Variants in GSTA5 observed in about 807,000 individuals in gnomAD.
GSTA5 encodes glutathione S-transferase alpha 5.
GSTA5 carries 25 observed loss-of-function variants against 21.8 expected under a neutral mutation model. The observed-to-expected ratio is 1.14, with a 90% confidence interval of 0.83 to 1.60. GSTA5 has a LOEUF of 1.60. Ranked by LOEUF, GSTA5 falls within the 40% of genes most tolerant of loss-of-function variation. The probability of loss-of-function intolerance (pLI) is 0.00; values close to 1 mark genes in which losing one functional copy is unlikely to be tolerated. For missense variants in GSTA5, 330 were observed against 259.2 expected, an observed-to-expected ratio of 1.27 and a Z score of -1.88; for synonymous variants, 102 against 89.5, an observed-to-expected ratio of 1.14 and a Z score of -0.78.
At chr6:52,837,871 T>C (rs1462258381) in intron 1 of GSTA5, among the ~76,000 whole-genome samples, 6 of 152,238 alleles carry the variant, frequency 3.9e-5, no homozygotes. Context: ...AGGTCATATT[T>C]TGAGAGGGGA....
Position 52,837,676 on chromosome 6 carries a change from G to A in GSTA5, c.88-67C>T, listed in dbSNP as rs527929618. On this transcript the variant is annotated intron_variant, in intron 1 of 5. Transcript: ENST00000370989. Reference sequence around the variant, plus strand: ...TATTATAGACTTGTGATGTTGAATGGCCCCTATCTGGTGCATGATTTGGAG... The same window carrying A: ...TATTATAGACTTGTGATGTTGAATGACCCCTATCTGGTGCATGATTTGGAG... The A allele has an allele frequency of 5.1e-5, 56 of 1,089,576 alleles. No homozygotes were observed. In the East Asian group the frequency reaches 1.3e-3, roughly 25 times the overall value. The allele number at this position is 1,089,576 out of a possible 1,614,324, so 67.5% of individuals were successfully genotyped here.
chr6:52,840,739 T>C (rs772248841), exon 1 of GSTA5: 2 of 1,614,036 alleles, frequency 1.2e-6, no homozygotes, highest in South Asian at 2.2e-5. Flanking sequence ...CTACTCCAGC[T>C]GCAGCCAGGA....
At chr6:52,838,080 C>T (rs1036979798) in intron 1 of GSTA5, among the ~76,000 whole-genome samples, 4 of 152,198 alleles carry the variant, frequency 2.6e-5, no homozygotes, top group Non-Finnish European at 5.9e-5. Flanking sequence ...TTTCAGGAAC[C>T]CTGCTAAGGG....
upstream of GSTA5, among the ~76,000 whole-genome samples, chr6:52,841,564 T>C (rs767545463): frequency 6.6e-6 from 1 of 152,236 alleles, no homozygotes; most frequent in Non-Finnish European, 1.5e-5. Context: ...CTTGCTTCTT[T>C]TGGTGTTCTA....
At chr6:52,842,547 C>A (rs892087365), upstream of GSTA5, among the ~76,000 whole-genome samples, 10 of 151,464 alleles carry the variant, frequency 6.6e-5, no homozygotes, top group African/African-American at 2.2e-4. Context: ...CTTGGATTAC[C>A]AGCACATGCC....
intron 1 of GSTA5, among the ~76,000 whole-genome samples, chr6:52,838,426 G>A (rs541845572): frequency 2.0e-5 from 3 of 152,354 alleles, no homozygotes; most frequent in Admixed American, 2.0e-4. Context: ...TAGAAAAGTA[G>A]CAGGTGTATA....
chr6:52,842,213 T>C (rs1226336998), upstream of GSTA5, among the ~76,000 whole-genome samples: 1 of 152,046 alleles, frequency 6.6e-6, no homozygotes, highest in Non-Finnish European at 1.5e-5. Flanking sequence ...ATGCAACTAA[T>C]TGTATCATGA....
chr6:52,833,170 CT>C (rs1350015377), intron 4 of GSTA5, among the ~76,000 whole-genome samples, 180 bp from the exon 5 acceptor site: 3 of 152,208 alleles, frequency 2.0e-5, no homozygotes, highest in Non-Finnish European at 2.9e-5. Context: ...TATAACTCTG[CT>C]CACTGCTTGG....
chr6:52,837,656 T>A, intron 1 of GSTA5, 47 bp from the exon 2 acceptor site: 1 of 1,383,564 alleles, frequency 7.2e-7, no homozygotes. Flanking sequence ...AATTCTATTA[T>A]AGACTTGTGA....
chr6:52,841,713 T>C (rs1764379347), upstream of GSTA5, among the ~76,000 whole-genome samples: 1 of 152,222 alleles, frequency 6.6e-6, no homozygotes, highest in African/African-American at 2.4e-5. Context: ...ACTTCTCTCA[T>C]TTTGTCCTAC....
intron 1 of GSTA5, among the ~76,000 whole-genome samples, chr6:52,838,742 T>G (rs979813429): frequency 2.6e-5 from 4 of 152,252 alleles, no homozygotes; most frequent in African/African-American, 9.6e-5. Context: ...TCAATGTTGT[T>G]ATGATCTGGT....
chr6:52,839,802 TC>T (rs1411662400), intron 1 of GSTA5, among the ~76,000 whole-genome samples: 1 of 152,220 alleles, frequency 6.6e-6, no homozygotes, highest in Non-Finnish European at 1.5e-5. Flanking sequence ...TCCAGGCATT[TC>T]CTACTCAAAC....
chr6:52,835,580 G>A (rs573425837), intron 3 of GSTA5, among the ~76,000 whole-genome samples: 1 of 152,296 alleles, frequency 6.6e-6, no homozygotes, highest in Admixed American at 6.5e-5. Context: ...TAAAGTTTTT[G>A]TGGAGCTGCC....
exon 6 of GSTA5, chr6:52,831,723 A>G: frequency 9.1e-7 from 1 of 1,101,832 alleles, no homozygotes; most frequent in East Asian, 2.6e-5. Context: ...TTATTTAATT[A>G]GCATGTAATT....
In GSTA5 at chr6:52,834,406, T is replaced by C. The variant is rs563741246; in HGVS notation, c.273-124A>G. 6.2e-6 allele frequency: 5 copies of C among 812,500 alleles called. No homozygotes were observed. The South Asian group carries it at 7.0e-5, about 11-fold the overall frequency. 50.3% of individuals were successfully genotyped at this position (812,500 alleles called of 1,614,324 possible). On this transcript the variant is annotated intron_variant, in intron 3 of 5. Transcript: ENST00000370989. ...TAATTCACCTCCAGTTAGTGCCTTT[T>C]ATACGCTAGTCATTATGCTCTGAGT...
At chr6:52,832,770 G>T in intron 5 of GSTA5, 89 bp downstream of exon 5, 1 of 1,588,212 alleles carries the variant, frequency 6.3e-7, no homozygotes, top group Non-Finnish European at 8.6e-7. Context: ...AGAAGGGTGG[G>T]GTCAAAACAT....
At position 52,837,816 on chromosome 6, in the gene GSTA5, A is replaced by G. The variant is rs180921771; in HGVS notation, c.88-207T>C. ...ATGGGTCACAGCACATAGCTGCTCA[A>G]TCTTTTAGTTCACTGCCACCCTGTT... On this transcript the variant is annotated intron_variant, in intron 1 of 5. Coordinates refer to ENST00000370989, the Ensembl canonical transcript of GSTA5. 4.6e-5 allele frequency among the ~76,000 whole-genome samples: 7 copies of G among 152,334 alleles called. No individual in the cohort carries two copies. In the East Asian group the frequency reaches 1.3e-3, roughly 29 times the overall value.
chr6:52,842,463 A>G (rs544416972), upstream of GSTA5, among the ~76,000 whole-genome samples: 10 of 127,514 alleles, frequency 7.8e-5, no homozygotes, highest in East Asian at 1.3e-3. Context: ...CTAGAGTGCT[A>G]TGGTGCAATC....
chr6:52,835,408 A>G (rs1388670887), intron 3 of GSTA5, among the ~76,000 whole-genome samples: 1 of 152,024 alleles, frequency 6.6e-6, no homozygotes, highest in African/African-American at 2.4e-5. Context: ...TTTCTCCTCC[A>G]TTTATTGATT....
Sources: allele counts gnomAD v4.1 joint callset (sites outside exome capture counted in the v4.1 genomes callset), GRCh38; gene constraint gnomAD v4.1.1; transcripts MANE v1.5; gene names NCBI Gene and HGNC (gene_info 2026-07-23, HGNC 2026-07-21).